Variants in PDZD2 observed in about 807,000 individuals in gnomAD.
PDZD2 encodes PDZ domain containing 2.
A neutral mutation model predicts 220.7 loss-of-function variants in PDZD2; 90 were observed. That is an observed-to-expected ratio of 0.41 (90% confidence interval 0.34 to 0.49). The LOEUF (loss-of-function observed/expected upper bound fraction) is 0.49, where lower values mean the gene tolerates loss of function less well. Ranked by LOEUF, PDZD2 falls within the 20% of genes least tolerant of loss-of-function variation. The pLI, the probability that PDZD2 is intolerant of heterozygous loss-of-function variation, is 0.28. For missense variants in PDZD2, 3,174 were observed against 3,608.5 expected (o/e 0.88, Z 3.08); for synonymous variants, 1,375 against 1,450.5 (o/e 0.95, Z 1.18).
At chr5:31,651,874 G>T (rs1580518169) in intron 1 of PDZD2, among the ~76,000 whole-genome samples, 1 of 135,818 alleles carries the variant, frequency 7.4e-6, no homozygotes, top group South Asian at 2.6e-4. Flanking sequence ...CTGGAGTGTA[G>T]TGATGCAATC....
At chr5:31,959,830 G>A (rs1023327019) in intron 2 of PDZD2, among the ~76,000 whole-genome samples, 1 of 152,104 alleles carries the variant, frequency 6.6e-6, no homozygotes, top group Non-Finnish European at 1.5e-5. Flanking sequence ...CAGCAAGGTT[G>A]GTTCCTTATG....
intron 1 of PDZD2, among the ~76,000 whole-genome samples, chr5:31,777,145 C>T (rs978116057): frequency 2.6e-5 from 4 of 152,148 alleles, no homozygotes; most frequent in African/African-American, 4.8e-5. Context: ...CTGGCGCTCG[C>T]GGGGCAGCGT....
In PDZD2 at chr5:31,924,376, C is replaced by T. The variant is rs201269284; in HGVS notation, c.477-58779C>T. Among the ~76,000 whole-genome samples, 34 of 152,300 alleles carry T rather than the reference C, an allele frequency of 2.2e-4. No homozygotes were observed. The East Asian group carries it at 4.4e-3, about 20-fold the overall frequency. ...CTACTGTGAGGAGTAGCCCACTTTC[C>T]TTTTGTCCATGATGGGGAGAAGCTT... On this transcript the variant is annotated intron_variant, in intron 2 of 24. Transcript: ENST00000438447.
chr5:32,101,139 T>C lies in PDZD2; in HGVS notation c.8253T>C (p.Val2751=). The change falls in exon 24 of 25, where the codon GTT becomes GTC. Residue 2751 remains valine (V), a synonymous_variant. Coordinates refer to ENST00000438447, the MANE Select transcript of PDZD2 (RefSeq NM_178140.4). ...RSVAVHDALC[V]EVLKTSAGLG... Reference sequence around the variant, plus strand: ...TGGCTGTACACGATGCTCTGTGTGTTGAAGTGCTGAAGACCTCGGCTGGGC... The same window carrying C: ...TGGCTGTACACGATGCTCTGTGTGTCGAAGTGCTGAAGACCTCGGCTGGGC... 1.2e-6 allele frequency: 2 copies of C among 1,614,090 alleles called. No homozygotes were observed. Among genetic ancestry groups the C allele is most frequent in the Non-Finnish European group, 1.7e-6 (2 of 1,179,972 alleles).
chr5:31,643,235 T>C (rs1745014695), intron 1 of PDZD2, among the ~76,000 whole-genome samples: 1 of 151,012 alleles, frequency 6.6e-6, no homozygotes, highest in Non-Finnish European at 1.5e-5. Context: ...AAGGCAGGAG[T>C]TTTTAGCAGA....
At chr5:31,982,266 G>A (rs777368046) in intron 2 of PDZD2, among the ~76,000 whole-genome samples, 1 of 152,232 alleles carries the variant, frequency 6.6e-6, no homozygotes, top group Non-Finnish European at 1.5e-5. Flanking sequence ...TCAACACAGT[G>A]TACTGTTGCC....
intron 10 of PDZD2, among the ~76,000 whole-genome samples, chr5:32,054,699 GA>G (rs1476989101): frequency 6.6e-6 from 1 of 152,136 alleles, no homozygotes; most frequent in Non-Finnish European, 1.5e-5. Context: ...AAGTGCTTCT[GA>G]ATGCAAATTA....
Position 32,073,610 on chromosome 5 carries a change from G to C in PDZD2, c.2726-222G>C, listed in dbSNP as rs185225207. On this transcript the variant is annotated intron_variant, in intron 17 of 24. Transcript: ENST00000438447. ...AGGTTGGGGTTTAAGAAAAGGGCGG[G>C]GGGGGTAGGTCAGTAGGGAAAAGAG... Among the ~76,000 whole-genome samples the C allele has an allele frequency of 1.2e-3, 167 of 138,614 alleles. 3 individuals are homozygous for C. Among genetic ancestry groups the C allele is most frequent in the African/African-American group, 4.8e-3 (153 of 31,684 alleles). The allele number at this position is 138,614 out of a possible 152,430, so 90.9% of individuals were successfully genotyped here.
intron 2 of PDZD2, among the ~76,000 whole-genome samples, chr5:31,957,887 G>A (rs1421740652): frequency 6.6e-6 from 1 of 152,088 alleles, no homozygotes; most frequent in Non-Finnish European, 1.5e-5. Flanking sequence ...TGAGGTAAAG[G>A]CTATTCATCC....
chr5:31,834,088 T>C (rs1240745451), intron 2 of PDZD2, among the ~76,000 whole-genome samples: 1 of 152,266 alleles, frequency 6.6e-6, no homozygotes, highest in Non-Finnish European at 1.5e-5. Flanking sequence ...TGATGAATTC[T>C]GTTTAATACA....
chr5:31,935,058 C>A (rs560574828), intron 2 of PDZD2, among the ~76,000 whole-genome samples: 2 of 148,570 alleles, frequency 1.3e-5, no homozygotes, highest in Admixed American at 6.8e-5. Context: ...ACTGCACTCC[C>A]ACCTGGGCAA....
At chr5:31,719,019 C>T (rs1343476302) in intron 1 of PDZD2, among the ~76,000 whole-genome samples, 1 of 152,154 alleles carries the variant, frequency 6.6e-6, no homozygotes, top group Non-Finnish European at 1.5e-5. Context: ...CATGTTAACT[C>T]AGTGACCTCT....
chr5:31,878,554 G>GTTTTTT (rs1411853055), intron 2 of PDZD2, among the ~76,000 whole-genome samples: 2 of 39,264 alleles, frequency 5.1e-5, no homozygotes, highest in East Asian at 1.4e-3. Flanking sequence ...GATGACCTCG[G>GTTTTTT]CTTTTTTTTT....
At chr5:32,081,250 T>G (rs185489849) in intron 19 of PDZD2, among the ~76,000 whole-genome samples, 1 of 152,220 alleles carries the variant, frequency 6.6e-6, no homozygotes, top group Non-Finnish European at 1.5e-5. Flanking sequence ...TTGGATGCTT[T>G]TCTGCCTTGC....
At chr5:32,068,019 T>G (rs1740367373) in intron 14 of PDZD2, among the ~76,000 whole-genome samples, 1 of 152,140 alleles carries the variant, frequency 6.6e-6, no homozygotes, top group East Asian at 1.9e-4. Flanking sequence ...AAAATTCCAG[T>G]GGAGAAATCT....
At chr5:31,880,796 T>TTTC (rs1561536959) in intron 2 of PDZD2, among the ~76,000 whole-genome samples, 5 of 99,460 alleles carry the variant, frequency 5.0e-5, no homozygotes, top group South Asian at 6.5e-4. Flanking sequence ...TTTTTCTTTT[T>TTTC]TTTTTTTTTT....
At chr5:32,050,917 G>A (rs1297956269) in intron 8 of PDZD2, among the ~76,000 whole-genome samples, 3 of 152,096 alleles carry the variant, frequency 2.0e-5, no homozygotes, top group Admixed American at 6.6e-5. Flanking sequence ...TATTTGTATC[G>A]TCCAATATGG....
chr5:31,980,111 G>GT (rs1750169660), intron 2 of PDZD2, among the ~76,000 whole-genome samples: 1 of 152,130 alleles, frequency 6.6e-6, no homozygotes, highest in African/African-American at 2.4e-5. Flanking sequence ...ATTTCAGTGA[G>GT]TTTTAGTGCT....
chr5:32,008,011 C>T (rs748442822), intron 5 of PDZD2, among the ~76,000 whole-genome samples: 4 of 152,088 alleles, frequency 2.6e-5, no homozygotes, highest in Middle Eastern at 3.2e-3. Context: ...GAGTCTGGGC[C>T]GGGCGCGGTC....
Sources: allele counts gnomAD v4.1 joint callset (sites outside exome capture counted in the v4.1 genomes callset), GRCh38; gene constraint gnomAD v4.1.1; transcripts MANE v1.5; gene names NCBI Gene and HGNC (gene_info 2026-07-23, HGNC 2026-07-21).